OSBPL1A: variants seen among roughly 807,000 people sequenced by gnomAD.
OSBPL1A encodes oxysterol binding protein like 1A.
OSBPL1A carries 80 observed loss-of-function variants against 137.1 expected under a neutral mutation model. The ratio of observed to expected loss-of-function variants is 0.58; its 90% CI spans 0.49 to 0.70. OSBPL1A has a LOEUF of 0.70. OSBPL1A is among the 30% of genes least tolerant of loss of function. OSBPL1A has a pLI of 0.00. For missense variants in OSBPL1A, 970 were observed against 1,129.4 expected, an observed-to-expected ratio of 0.86 and a Z score of 2.02; for synonymous variants, 365 against 389.7, an observed-to-expected ratio of 0.94 and a Z score of 0.75.
intron 22 of OSBPL1A, among the ~76,000 whole-genome samples, chr18:24,172,166 C>T (rs1181251691): frequency 4.6e-5 from 7 of 152,086 alleles, no homozygotes; most frequent in Admixed American, 3.3e-4. Context: ...GTCTCGAACT[C>T]CTGACCTCGT....
chr18:24,337,193 C>G (rs930215507), intron 5 of OSBPL1A, among the ~76,000 whole-genome samples: 13 of 152,104 alleles, frequency 8.5e-5, no homozygotes, highest in Admixed American at 5.9e-4. Flanking sequence ...CCGCTTTCCT[C>G]TTCAAAAAGG....
At chr18:24,211,781 T>C (rs1292018293) in intron 17 of OSBPL1A, among the ~76,000 whole-genome samples, 2 of 152,030 alleles carry the variant, frequency 1.3e-5, no homozygotes, top group Non-Finnish European at 2.9e-5. Flanking sequence ...CTGGCCAATA[T>C]GGTGAAACTT....
chr18:24,279,799 T>C (rs2089920706), intron 15 of OSBPL1A, among the ~76,000 whole-genome samples: 1 of 152,208 alleles, frequency 6.6e-6, no homozygotes, highest in African/African-American at 2.4e-5. Context: ...GAATCACTGA[T>C]AGCTCAGCAT....
chr18:24,208,864 G>A (rs759098654), intron 17 of OSBPL1A, among the ~76,000 whole-genome samples: 4 of 152,130 alleles, frequency 2.6e-5, no homozygotes, highest in African/African-American at 4.8e-5. Context: ...TTAAAATGTT[G>A]CATCACTGAA....
At chr18:24,273,367 G>A (rs1213333233) in intron 15 of OSBPL1A, among the ~76,000 whole-genome samples, 1 of 152,178 alleles carries the variant, frequency 6.6e-6, no homozygotes, top group Non-Finnish European at 1.5e-5. Flanking sequence ...GTTTATAAAA[G>A]TAGTGCTAGG....
chr18:24,301,094 C>T (rs181617311), intron 14 of OSBPL1A, among the ~76,000 whole-genome samples: 89 of 152,322 alleles, frequency 5.8e-4, no homozygotes, highest in Admixed American at 1.3e-3. Flanking sequence ...CTCTCCAATT[C>T]CATTCATCAA....
At chr18:24,368,512 A>T in intron 2 of OSBPL1A, 140 bp from the exon 3 acceptor site, 1 of 650,600 alleles carries the variant, frequency 1.5e-6, no homozygotes, top group Non-Finnish European at 2.8e-6. Flanking sequence ...TATGTGACCA[A>T]GAAGTGTAAT....
chr18:24,336,488 G>C (rs1339490760), intron 5 of OSBPL1A, among the ~76,000 whole-genome samples: 4 of 152,110 alleles, frequency 2.6e-5, no homozygotes, highest in Non-Finnish European at 5.9e-5. Flanking sequence ...TCGCAATGTT[G>C]ATATGGATGC....
intron 21 of OSBPL1A, among the ~76,000 whole-genome samples, chr18:24,175,413 C>G (rs941841193): frequency 6.6e-6 from 1 of 151,962 alleles, no homozygotes; most frequent in African/African-American, 2.4e-5. Flanking sequence ...GTCTCTAACT[C>G]CTGGGCTCAA....
intron 15 of OSBPL1A, among the ~76,000 whole-genome samples, chr18:24,253,940 T>C (rs1945260707): frequency 6.6e-6 from 1 of 152,232 alleles, no homozygotes. Context: ...AAGGGCAGAC[T>C]GGTCCCAAGG....
chr18:24,166,570 G>A lies in OSBPL1A; in HGVS notation c.2659+9C>T. ...GTCTTCACTGGTGGCTTTGGCGGAT[G>A]CTAGTTACCTATCTCTCCATTTTCC... is the stretch of plus-strand genomic sequence containing the variant. On this transcript the variant is annotated intron_variant, in intron 26 of 27. Transcript: ENST00000319481. 1 of 1,601,286 alleles carries A rather than the reference G, an allele frequency of 6.2e-7. No homozygotes were observed. Among genetic ancestry groups the A allele is most frequent in the Non-Finnish European group, 8.5e-7 (1 of 1,176,018 alleles).
Position 24,387,991 on chromosome 18 carries a change from T to C in OSBPL1A, c.-3+9664A>G, listed in dbSNP as rs1230259994. Among the ~76,000 whole-genome samples, 5 of 152,156 alleles carry C rather than the reference T, an allele frequency of 3.3e-5. No homozygotes were observed. In the East Asian group the frequency reaches 5.8e-4, roughly 18 times the overall value. On this transcript the variant is annotated intron_variant, in intron 1 of 27. Transcript: ENST00000319481. The stretch of plus-strand genomic sequence containing the variant: ...AATGACTTGAAGGCTTACCACATTC[T>C]AGGCATTGTTCTAAACTCCGATGCC...
At chr18:24,173,393 G>C (rs1373222394) in intron 21 of OSBPL1A, among the ~76,000 whole-genome samples, 1 of 151,576 alleles carries the variant, frequency 6.6e-6, no homozygotes, top group Non-Finnish European at 1.5e-5. Flanking sequence ...TAAAATAAAA[G>C]TTAAAAAAAA....
chr18:24,335,603 A>G (rs1190035213), intron 5 of OSBPL1A, among the ~76,000 whole-genome samples: 4 of 152,210 alleles, frequency 2.6e-5, no homozygotes, highest in East Asian at 1.9e-4. Flanking sequence ...CCCACTAAAT[A>G]TACGTCTACA....
At chr18:24,282,179 C>CA (rs923797086) in intron 14 of OSBPL1A, among the ~76,000 whole-genome samples, 23 of 130,168 alleles carry the variant, frequency 1.8e-4, no homozygotes, top group African/African-American at 2.6e-4. Context: ...ATCACCAAGA[C>CA]AAAAAAAAAA....
At chr18:24,355,476 G>A (rs72886751) in intron 4 of OSBPL1A, among the ~76,000 whole-genome samples, 5 of 152,118 alleles carry the variant, frequency 3.3e-5, no homozygotes, top group Non-Finnish European at 7.4e-5. Context: ...ACTCCAGCGC[G>A]GGCAACAGGT....
At chr18:24,284,031 A>C (rs142388553) in intron 14 of OSBPL1A, among the ~76,000 whole-genome samples, 2 of 152,224 alleles carry the variant, frequency 1.3e-5, no homozygotes, top group African/African-American at 4.8e-5. Flanking sequence ...TCTTTTGTCC[A>C]AAAGAGTCAA....
intron 15 of OSBPL1A, among the ~76,000 whole-genome samples, chr18:24,262,903 C>CT (rs1555640447): frequency 1.3e-5 from 2 of 152,028 alleles, no homozygotes; most frequent in South Asian, 2.1e-4. Context: ...TTGTATCTAG[C>CT]TTTTTTTACT....
chr18:24,198,885 T>C (rs538852444), intron 17 of OSBPL1A, among the ~76,000 whole-genome samples: 1 of 144,624 alleles, frequency 6.9e-6, no homozygotes, highest in Non-Finnish European at 1.5e-5. Flanking sequence ...TGAGAGAGAG[T>C]CACACTCTGT....
Sources: allele counts gnomAD v4.1 joint callset (sites outside exome capture counted in the v4.1 genomes callset), GRCh38; gene constraint gnomAD v4.1.1; transcripts MANE v1.5; gene names NCBI Gene and HGNC (gene_info 2026-07-23, HGNC 2026-07-21).